NLGN1: variants seen among roughly 807,000 people sequenced by gnomAD.
NLGN1 encodes neuroligin 1.
NLGN1 carries 12 observed loss-of-function variants against 65.5 expected under a neutral mutation model. The ratio of observed to expected loss-of-function variants is 0.18; its 90% CI spans 0.12 to 0.30. The LOEUF (loss-of-function observed/expected upper bound fraction) is 0.30. NLGN1 is among the 10% of genes least tolerant of loss of function. The pLI, the probability that NLGN1 is intolerant of heterozygous loss-of-function variation, is 1.00. For synonymous variants in NLGN1, 350 were observed against 359.5 expected, an observed-to-expected ratio of 0.97 and a Z score of 0.30; for missense variants, 750 against 1,007.1, an observed-to-expected ratio of 0.74 and a Z score of 3.46.
chr3:173,552,114 C>T (rs1366334685), intron 2 of NLGN1, among the ~76,000 whole-genome samples: 4 of 152,180 alleles, frequency 2.6e-5, no homozygotes, highest in African/African-American at 9.7e-5. Context: ...TACTATCACA[C>T]ATGAGAAAAT....
chr3:173,998,906 A>T (rs527783685), intron 4 of NLGN1, among the ~76,000 whole-genome samples: 17 of 152,268 alleles, frequency 1.1e-4, no homozygotes, highest in Admixed American at 7.9e-4. Flanking sequence ...TGAAAGTGTT[A>T]TTACCCATTA....
At chr3:174,244,252 T>C (rs965975593) in intron 4 of NLGN1, among the ~76,000 whole-genome samples, 11 of 152,226 alleles carry the variant, frequency 7.2e-5, no homozygotes, top group African/African-American at 2.7e-4. Context: ...GAAGAAAGTA[T>C]TCATTTAAGA....
intron 4 of NLGN1, among the ~76,000 whole-genome samples, chr3:173,973,506 G>A (rs957618271): frequency 4.1e-4 from 62 of 151,600 alleles, no homozygotes; most frequent in African/African-American, 1.4e-3. Context: ...AAGGAGTTTC[G>A]AATAAATATA....
chr3:174,068,935 C>T (rs928734140), intron 4 of NLGN1, among the ~76,000 whole-genome samples: 7 of 152,112 alleles, frequency 4.6e-5, no homozygotes, highest in Non-Finnish European at 1.0e-4. Flanking sequence ...ATTTATTTAA[C>T]ACCTGTAACA....
intron 4 of NLGN1, among the ~76,000 whole-genome samples, chr3:174,242,787 C>A (rs1204383634): frequency 6.6e-6 from 1 of 152,082 alleles, no homozygotes; most frequent in African/African-American, 2.4e-5. Context: ...GCACTTGAAT[C>A]ATCCTGAAAC....
intron 2 of NLGN1, among the ~76,000 whole-genome samples, chr3:173,573,792 G>C (rs546868465): frequency 6.6e-6 from 1 of 151,466 alleles, no homozygotes; most frequent in South Asian, 2.1e-4. Context: ...GGCCGGGCGC[G>C]GTGGCTCACG....
downstream of NLGN1, among the ~76,000 whole-genome samples, chr3:174,290,416 C>T (rs1430594957): frequency 1.3e-5 from 2 of 150,784 alleles, no homozygotes; most frequent in Admixed American, 1.3e-4. Context: ...ATACTAGACA[C>T]AAAAATCAAT....
intron 4 of NLGN1, among the ~76,000 whole-genome samples, chr3:173,990,128 C>A (rs1489496275): frequency 6.6e-6 from 1 of 152,156 alleles, no homozygotes; most frequent in Non-Finnish European, 1.5e-5. Flanking sequence ...TATTATCACA[C>A]CATACTCTGT....
chr3:173,592,496 A>G (rs1443790918), intron 2 of NLGN1, among the ~76,000 whole-genome samples: 2 of 152,118 alleles, frequency 1.3e-5, no homozygotes, highest in Admixed American at 6.6e-5. Context: ...ATGGATATCT[A>G]TGCACACGCC....
intron 3 of NLGN1, among the ~76,000 whole-genome samples, chr3:173,784,496 T>A (rs1781645263): frequency 6.6e-6 from 1 of 151,754 alleles, no homozygotes; most frequent in African/African-American, 2.4e-5. Context: ...GATTCTTATA[T>A]AAATAGGAGA....
At chr3:173,856,442 A>G (rs1250450630) in intron 4 of NLGN1, among the ~76,000 whole-genome samples, 8 of 152,144 alleles carry the variant, frequency 5.3e-5, no homozygotes, top group Admixed American at 4.6e-4. Context: ...AGTCAAATTG[A>G]GAATATAAGG....
At chr3:173,673,182 T>G (rs1162650395) in intron 3 of NLGN1, among the ~76,000 whole-genome samples, 3 of 152,212 alleles carry the variant, frequency 2.0e-5, no homozygotes, top group Non-Finnish European at 4.4e-5. Flanking sequence ...TGGTATTTTC[T>G]TGATGCTATG....
chr3:173,644,550 A>AT (rs1187028940), intron 3 of NLGN1: 1 of 165,702 alleles, frequency 6.0e-6, no homozygotes, highest in African/African-American at 2.4e-5. Context: ...TCCCAGTTCC[A>AT]TTTTGACTTC....
intron 3 of NLGN1, among the ~76,000 whole-genome samples, chr3:173,616,776 A>G (rs190525229): frequency 1.2e-3 from 182 of 152,220 alleles, no homozygotes; most frequent in Non-Finnish European, 2.1e-3. Context: ...TCCTATTCCC[A>G]TTCCTGCTTC....
chr3:173,799,957 G>A (rs1220872328), intron 3 of NLGN1, among the ~76,000 whole-genome samples: 1 of 149,170 alleles, frequency 6.7e-6, no homozygotes, highest in Non-Finnish European at 1.5e-5. Flanking sequence ...AATAAATTAA[G>A]TTCTTTCAGC....
the NLGN1 span, among the ~76,000 whole-genome samples, chr3:174,292,806 T>G: frequency 6.6e-6 from 1 of 151,574 alleles, no homozygotes; most frequent in East Asian, 1.9e-4. Flanking sequence ...AGTTATCATG[T>G]GTCTCCTGGA....
chr3:174,102,334 G>A (rs1025842340), intron 4 of NLGN1, among the ~76,000 whole-genome samples: 3 of 151,826 alleles, frequency 2.0e-5, no homozygotes, highest in Admixed American at 1.3e-4. Flanking sequence ...AACTAAAGTC[G>A]AAATTAATAA....
At chr3:173,665,625 T>C (rs1761587682) in intron 3 of NLGN1, among the ~76,000 whole-genome samples, 1 of 152,194 alleles carries the variant, frequency 6.6e-6, no homozygotes. Flanking sequence ...TCTGTCTACT[T>C]TAAATCTTGT....
At chr3:174,200,146 A>G (rs1219202315) in intron 4 of NLGN1, among the ~76,000 whole-genome samples, 1 of 152,162 alleles carries the variant, frequency 6.6e-6, no homozygotes, top group East Asian at 1.9e-4. Context: ...TCATTTTATC[A>G]CTTTGGAAAA....
Sources: allele counts gnomAD v4.1 joint callset (sites outside exome capture counted in the v4.1 genomes callset), GRCh38; gene constraint gnomAD v4.1.1; transcripts MANE v1.5; gene names NCBI Gene and HGNC (gene_info 2026-07-23, HGNC 2026-07-21).